Variants in EPG5 observed in about 807,000 individuals in gnomAD.
EPG5 encodes ectopic P-granules 5 autophagy tethering factor, also known as ectopic P granules protein 5 homolog.
Under a neutral mutation model 302.7 loss-of-function variants are expected in EPG5, and 159 were observed. The observed-to-expected ratio is 0.53, with a 90% CI of 0.46 to 0.60. The LOEUF is 0.60. Ranked by LOEUF, EPG5 falls within the 20% of genes least tolerant of loss-of-function variation. The pLI is 0.00. For synonymous variants in EPG5, 1,158 were observed against 1,136.8 expected (o/e 1.02, Z -0.37); for missense variants, 2,896 against 3,092.4 (o/e 0.94, Z 1.51).
chr18:45,956,446 G>A (rs769459723), intron 1 of EPG5, among the ~76,000 whole-genome samples: 11 of 148,010 alleles, frequency 7.4e-5, no homozygotes, highest in Non-Finnish European at 1.5e-4. Flanking sequence ...ATTCTTTAGG[G>A]TGTTTTATTT....
chr18:45,806,722 C>T, the EPG5 span, among the ~76,000 whole-genome samples: 3 of 152,158 alleles, frequency 2.0e-5, no homozygotes, highest in African/African-American at 7.2e-5. Flanking sequence ...CTTGTGAGCT[C>T]GCTGGGTCCC....
At chr18:45,892,078 G>A (rs1253125489) in intron 27 of EPG5, among the ~76,000 whole-genome samples, 1 of 152,158 alleles carries the variant, frequency 6.6e-6, no homozygotes, top group African/African-American at 2.4e-5. Flanking sequence ...AAAGGATCCA[G>A]AGACCACTTG....
chr18:45,845,347 C>A (rs1325302555), downstream of EPG5, among the ~76,000 whole-genome samples: 2 of 152,162 alleles, frequency 1.3e-5, no homozygotes, highest in Non-Finnish European at 2.9e-5. Flanking sequence ...CCAGCTGGCA[C>A]CCCCTTTAAC....
intron 27 of EPG5, among the ~76,000 whole-genome samples, chr18:45,896,287 C>A (rs2049472075): frequency 6.6e-6 from 1 of 152,230 alleles, no homozygotes; most frequent in Non-Finnish European, 1.5e-5. Context: ...TACTGAACTT[C>A]TAGGAGCCAT....
intron 30 of EPG5, 37 bp from the exon 31 acceptor site, chr18:45,882,524 C>T (rs1339186414): frequency 6.4e-7 from 1 of 1,557,324 alleles, no homozygotes; most frequent in Admixed American, 1.9e-5. Flanking sequence ...GTTTTATTTG[C>T]ACTAGAAAAA....
At position 45,910,701 on chromosome 18, in the gene EPG5, C is replaced by T. The variant is rs1436046962; in HGVS notation, c.4025G>A (p.Ser1342Asn). 1 of 1,614,120 alleles carries T rather than the reference C, an allele frequency of 6.2e-7. No homozygotes were observed. Among genetic ancestry groups the T allele is most frequent in the Admixed American group, 1.7e-5 (1 of 60,022 alleles). The change falls in exon 23 of 44, where the codon AGT becomes AAT. Residue 1342 changes from serine to asparagine, a missense_variant. Ser to Asn is a conservative substitution (Grantham distance 46). Around this residue, in one of 5 missense-constraint regions of EPG5, gnomAD observed 790 missense variants for 798.0 expected, o/e 0.99. Coordinates refer to ENST00000282041, the MANE Select transcript of EPG5 (RefSeq NM_020964.3). ...DGCIGRRFFQ[S>N]PAHINLLKEM... is the part of the protein sequence containing the mutation. Reference sequence around the variant, plus strand: ...TTTCAACAAATTGATATGAGCAGGACTTTGAAAAAACCTTCTTCCAATACA... The same window carrying T: ...TTTCAACAAATTGATATGAGCAGGATTTTGAAAAAACCTTCTTCCAATACA...
chr18:45,842,981 C>T (rs977493175), downstream of EPG5: 1 of 152,372 alleles, frequency 6.6e-6, no homozygotes. Flanking sequence ...CCCCTGGGAT[C>T]TCCACTGTGA....
intron 24 of EPG5, chr18:45,907,286 A>C (rs2049776294): frequency 6.6e-6 from 1 of 152,212 alleles, no homozygotes; most frequent in African/African-American, 2.4e-5. Context: ...AAAAGACTGC[A>C]GCCCTAGAAA....
intron 2 of EPG5, chr18:45,953,843 C>T: frequency 1.0e-6 from 1 of 985,060 alleles, no homozygotes; most frequent in Non-Finnish European, 1.2e-6. Context: ...TTGGATGCAA[C>T]CCCATGGAGG....
Position 45,915,562 on chromosome 18 carries a change from C to T in EPG5, c.3642G>A (p.Val1214=). 2 of 1,614,192 alleles carry T rather than the reference C, an allele frequency of 1.2e-6. No individual in the cohort carries two copies. The highest frequency in any genetic ancestry group is 1.7e-6 in the Non-Finnish European group (2 of 1,180,034). The part of the protein sequence containing the change: ...SLLSSLVSWI[V]AGNITPSFVE... ...CAAAGGAAGGAGTGATGTTGCCTGC[C>T]ACAATCCAGCTTACCAAAGATGAGA... The change falls in exon 20 of 44, where the codon GTG becomes GTA. Residue 1214 remains valine (V), a synonymous_variant. Transcript: ENST00000282041.
intron 34 of EPG5, 49 bp from the exon 35 acceptor site, chr18:45,876,391 ACT>A: frequency 6.8e-7 from 1 of 1,472,658 alleles, no homozygotes; most frequent in African/African-American, 1.4e-5. Flanking sequence ...TGATTAAAAT[ACT>A]GTTAAGTCCC....
the EPG5 span, among the ~76,000 whole-genome samples, chr18:45,823,367 T>C: frequency 2.0e-5 from 3 of 152,126 alleles, no homozygotes; most frequent in Admixed American, 6.5e-5. Flanking sequence ...GGAGGTAGTA[T>C]TGGAAGATCT....
At position 45,849,611 on chromosome 18, in the gene EPG5, A is replaced by C. The variant is rs1428546650; in HGVS notation, c.*2856T>G. ...TGATTTTGATGATGAACTGAGAGGAACCAGGAGGCCGTCACTTGGTTGAAA... is the reference window on the plus strand; with the variant it reads ...TGATTTTGATGATGAACTGAGAGGACCCAGGAGGCCGTCACTTGGTTGAAA... On this transcript the variant is annotated 3_prime_UTR_variant, in exon 44 of 44. Coordinates refer to ENST00000282041, the MANE Select transcript of EPG5 (RefSeq NM_020964.3). 6.6e-6 allele frequency: 1 copy of C among 152,262 alleles called. No homozygotes were observed. Among genetic ancestry groups the C allele is most frequent in the Non-Finnish European group, 1.5e-5 (1 of 68,064 alleles). 9.4% of individuals were successfully genotyped at this position (152,262 alleles called of 1,614,324 possible). A position where few individuals can be genotyped will look rare whatever the true frequency, so the allele number is the denominator to read the frequency against.
chr18:45,809,221 A>G, the EPG5 span, among the ~76,000 whole-genome samples: 1 of 152,214 alleles, frequency 6.6e-6, no homozygotes, highest in Non-Finnish European at 1.5e-5. Flanking sequence ...TCCCAAATTT[A>G]TAAAACAATT....
the EPG5 span, among the ~76,000 whole-genome samples, chr18:45,833,051 C>A: frequency 6.6e-6 from 1 of 152,146 alleles, no homozygotes; most frequent in Admixed American, 6.5e-5. Context: ...TAGAGCAAAG[C>A]CCACCCAGGG....
intron 6 of EPG5, 61 bp from the exon 7 acceptor site, chr18:45,946,829 A>T: frequency 7.7e-7 from 1 of 1,292,898 alleles, no homozygotes; most frequent in Admixed American, 1.7e-5. Flanking sequence ...TGCATTGTGG[A>T]TTCTCTACTC....
intron 19 of EPG5, 138 bp from the exon 20 acceptor site, chr18:45,915,759 C>G: frequency 1.3e-6 from 1 of 748,532 alleles, no homozygotes; most frequent in African/African-American, 1.8e-5. Context: ...AGTCCACCAG[C>G]AGCAATAGTC....
the EPG5 span, chr18:45,837,496 G>C: frequency 2.7e-5 from 39 of 1,468,200 alleles, no homozygotes; most frequent in East Asian, 1.0e-3. Flanking sequence ...GCCTGACGCA[G>C]CCCGCCCCGC....
chr18:45,882,202 C>A, intron 31 of EPG5, 72 bp downstream of exon 31: 1 of 1,275,410 alleles, frequency 7.8e-7, no homozygotes, highest in Non-Finnish European at 1.1e-6. Flanking sequence ...TGAATAACAT[C>A]TGTAAGATGA....
Sources: gnomAD v4.1 joint callset for allele counts (sites outside exome capture counted in the v4.1 genomes callset) on GRCh38, gnomAD v4.1.1 for gene constraint, gnomAD v4.1.1 regional missense constraint, MANE v1.5 for transcripts, NCBI Gene and HGNC (gene_info 2026-07-23, HGNC 2026-07-21) for gene names.